Variants in USH2A observed in about 807,000 individuals in gnomAD.
USH2A encodes Usher syndrome 2A (autosomal recessive, mild).
Under a neutral mutation model 538.9 loss-of-function variants are expected in USH2A, and 443 were observed. The observed-to-expected ratio is 0.82, with a 90% CI of 0.76 to 0.89. The LOEUF (loss-of-function observed/expected upper bound fraction) is 0.89. USH2A is among the 40% of genes least tolerant of loss of function. The pLI, the probability that USH2A is intolerant of heterozygous loss-of-function variation, is 0.00. For missense variants in USH2A, 6,633 were observed against 6,324.8 expected, an observed-to-expected ratio of 1.05 and a Z score of -1.65; for synonymous variants, 2,413 against 2,273.5, an observed-to-expected ratio of 1.06 and a Z score of -1.75.
intron 3 of USH2A, among the ~76,000 whole-genome samples, chr1:216,414,211 T>C (rs2102777535): frequency 6.6e-6 from 1 of 152,156 alleles, no homozygotes; most frequent in East Asian, 1.9e-4. Flanking sequence ...GTATAAAAAA[T>C]GACACAATGA....
intron 4 of USH2A, among the ~76,000 whole-genome samples, chr1:216,363,549 A>G (rs1178341298): frequency 6.6e-6 from 1 of 152,154 alleles, no homozygotes; most frequent in African/African-American, 2.4e-5. Context: ...ATCTATGTAT[A>G]TGATTGATAG....
intron 22 of USH2A, among the ~76,000 whole-genome samples, chr1:216,090,161 C>T (rs1571952859): frequency 6.6e-6 from 1 of 151,358 alleles, no homozygotes; most frequent in Middle Eastern, 3.4e-3. Context: ...CACTTAATTA[C>T]CAGAAAATTT....
rs766176205 is a variant in USH2A, at chr1:215,650,715, G to T, written c.14220C>A (p.Ala4740=). Residue 4740 remains alanine, a synonymous_variant, in exon 65 of 72, where the codon GCC becomes GCA. Coordinates refer to ENST00000307340, the MANE Select transcript of USH2A (RefSeq NM_206933.4). ...TGPAPPEGLR[A]PTFHVISSTQ... is the part of the protein sequence containing the mutation. ...TAGAAGAGATCACATGGAACGTGGG[G>T]GCTCTGAGACCTTCTGGTGGGGCTG... 6.2e-7 allele frequency: 1 copy of T among 1,613,868 alleles called. No individual in the cohort carries two copies. Among genetic ancestry groups the T allele is most frequent in the African/African-American group, 1.3e-5 (1 of 74,854 alleles).
chr1:215,962,857 G>A (rs559316252), intron 37 of USH2A, among the ~76,000 whole-genome samples: 3 of 152,106 alleles, frequency 2.0e-5, no homozygotes, highest in African/African-American at 7.2e-5. Context: ...TTTGATACGT[G>A]CCACTTCACT....
intron 11 of USH2A, among the ~76,000 whole-genome samples, chr1:216,255,859 TC>T (rs1430356793): frequency 1.3e-5 from 2 of 152,164 alleles, no homozygotes; most frequent in African/African-American, 4.8e-5. Context: ...GATTTTACTT[TC>T]TCCTTCAGTT....
chr1:215,974,519 G>A (rs1667574659), intron 35 of USH2A, among the ~76,000 whole-genome samples: 1 of 151,780 alleles, frequency 6.6e-6, no homozygotes, highest in South Asian at 2.1e-4. Flanking sequence ...TAATCCTCAG[G>A]GTCTATTGTC....
At chr1:216,383,841 AT>A (rs1430789412) in intron 3 of USH2A, among the ~76,000 whole-genome samples, 1 of 147,360 alleles carries the variant, frequency 6.8e-6, no homozygotes, top group Non-Finnish European at 1.5e-5. Context: ...TGCCTGGCTA[AT>A]TTTTTTTCTT....
chr1:215,784,795 G>A (rs1661747411), intron 52 of USH2A, among the ~76,000 whole-genome samples: 1 of 152,148 alleles, frequency 6.6e-6, no homozygotes, highest in Admixed American at 6.6e-5. Context: ...AAAGCAATCT[G>A]AAATATGGAT....
At position 215,836,713 on chromosome 1, in the gene USH2A, C is replaced by A. The variant is rs574131319; in HGVS notation, c.9371+1278G>T. On this transcript the variant is annotated intron_variant, in intron 47 of 71. Coordinates refer to ENST00000307340, the MANE Select transcript of USH2A (RefSeq NM_206933.4). ...CTGGGACTACAGGTGCCCCCCACCA[C>A]GCCCTGCTAATTTTTTGTATTTTTA... is the stretch of plus-strand genomic sequence containing the variant. Among the ~76,000 whole-genome samples the A allele has an allele frequency of 4.1e-5, 6 of 145,088 alleles. No individual in the cohort carries two copies. In the East Asian group the frequency reaches 1.2e-3, roughly 30 times the overall value.
intron 61 of USH2A, among the ~76,000 whole-genome samples, chr1:215,686,427 T>A (rs2820687): frequency 0.74 from 111,980 of 151,768 alleles, 41,782 homozygotes; most frequent in East Asian, 0.9. Context: ...GAAGGAACAG[T>A]AGAAAGTTCT....
At chr1:216,362,582 A>G (rs770142820) in intron 4 of USH2A, among the ~76,000 whole-genome samples, 1 of 152,142 alleles carries the variant, frequency 6.6e-6, no homozygotes, top group Admixed American at 6.6e-5. Flanking sequence ...ATGACCATAT[A>G]CTTCAACCCA....
chr1:215,679,612 G>C (rs946370399), intron 62 of USH2A, among the ~76,000 whole-genome samples: 1 of 152,208 alleles, frequency 6.6e-6, no homozygotes, highest in African/African-American at 2.4e-5. Flanking sequence ...GGCAGAGCTT[G>C]AGATACGTAT....
chr1:216,396,233 A>G (rs549752981), intron 3 of USH2A, among the ~76,000 whole-genome samples: 3 of 152,102 alleles, frequency 2.0e-5, no homozygotes, highest in African/African-American at 7.2e-5. Flanking sequence ...AATGGACACA[A>G]TTCTGATATT....
intron 64 of USH2A, among the ~76,000 whole-genome samples, chr1:215,666,783 G>C (rs1423678112): frequency 1.3e-5 from 2 of 152,142 alleles, no homozygotes; most frequent in Non-Finnish European, 2.9e-5. Flanking sequence ...GACTATCCAG[G>C]CTGCTTGTTA....
chr1:215,836,676 C>G (rs2102815470), intron 47 of USH2A, among the ~76,000 whole-genome samples: 1 of 141,348 alleles, frequency 7.1e-6, no homozygotes, highest in East Asian at 2.1e-4. Flanking sequence ...CCTGCCTCAG[C>G]CTCCCGAGTA....
chr1:216,010,880 G>A (rs4655292), intron 32 of USH2A, among the ~76,000 whole-genome samples: 1 of 150,508 alleles, frequency 6.6e-6, no homozygotes, highest in Non-Finnish European at 1.5e-5. Context: ...TGTATCCCCC[G>A]ACCTTAACCC....
rs546181728 is a variant in USH2A at position 216,208,312 on chromosome 1, G to A, written c.3158-881C>T. Reference sequence around the variant, plus strand: ...CACAATCCCCCATCCATTTAAAGAAGCACAACCTAATCAAACATTCTCCTT... The same window carrying A: ...CACAATCCCCCATCCATTTAAAGAAACACAACCTAATCAAACATTCTCCTT... On this transcript the variant is annotated intron_variant, in intron 15 of 71. Coordinates refer to ENST00000307340, the MANE Select transcript of USH2A (RefSeq NM_206933.4). Among the ~76,000 whole-genome samples the A allele has an allele frequency of 2.0e-5, 3 of 152,170 alleles. No individual in the cohort carries two copies. The South Asian group carries it at 6.2e-4, about 32-fold the overall frequency.
intron 20 of USH2A, among the ~76,000 whole-genome samples, chr1:216,186,332 G>C (rs2034603438): frequency 6.6e-6 from 1 of 151,652 alleles, no homozygotes; most frequent in Admixed American, 6.6e-5. Flanking sequence ...GTAATCCCCA[G>C]AGAGTCACCA....
At chr1:216,412,716 T>C (rs974528759) in intron 3 of USH2A, among the ~76,000 whole-genome samples, 2 of 151,706 alleles carry the variant, frequency 1.3e-5, no homozygotes, top group Admixed American at 1.3e-4. Flanking sequence ...TGTGCCTTTT[T>C]TTTTTGGTTT....
Sources: allele counts gnomAD v4.1 joint callset (sites outside exome capture counted in the v4.1 genomes callset), GRCh38; gene constraint gnomAD v4.1.1; transcripts MANE v1.5; gene names NCBI Gene and HGNC (gene_info 2026-07-23, HGNC 2026-07-21).